Variants in RBFOX3 observed in about 807,000 individuals in gnomAD.
The protein encoded by RBFOX3 is RNA binding protein fox-1 homolog 3.
In RBFOX3, 17 loss-of-function variants were observed where a neutral mutation model predicts 48.7. The observed-to-expected ratio is 0.35, with a 90% CI of 0.24 to 0.52. The LOEUF (loss-of-function observed/expected upper bound fraction) is 0.52, where lower values mean the gene tolerates loss of function less well. Ranked by LOEUF, RBFOX3 falls within the 20% of genes least tolerant of loss-of-function variation. The pLI, the probability that RBFOX3 is intolerant of heterozygous loss-of-function variation, is 0.94. For synonymous variants in RBFOX3, 212 were observed against 209.5 expected (o/e 1.01, Z -0.10); for missense variants, 382 against 497.5 (o/e 0.77, Z 2.21).
At chr17:79,106,121 C>G (rs1173148716) in intron 6 of RBFOX3, among the ~76,000 whole-genome samples, 1 of 152,184 alleles carries the variant, frequency 6.6e-6, no homozygotes, top group Non-Finnish European at 1.5e-5. Context: ...GTTCCAAGTT[C>G]CCCACCTGGG....
intron 2 of RBFOX3, among the ~76,000 whole-genome samples, chr17:79,351,921 A>G (rs2084017259): frequency 6.6e-6 from 1 of 151,934 alleles, no homozygotes; most frequent in African/African-American, 2.4e-5. Flanking sequence ...TTGTTTTCCT[A>G]GAGAGTCGTT....
At chr17:79,620,676 C>T in the RBFOX3 span, among the ~76,000 whole-genome samples, 5 of 144,430 alleles carry the variant, frequency 3.5e-5, no homozygotes, top group South Asian at 2.1e-4. Context: ...CATGCACACA[C>T]GCACATGCAC....
intron 3 of RBFOX3, among the ~76,000 whole-genome samples, chr17:79,269,672 G>A (rs1053394923): frequency 1.3e-5 from 2 of 151,880 alleles, no homozygotes; most frequent in Non-Finnish European, 2.9e-5. Flanking sequence ...TCAGCTCCCT[G>A]CACCCCCCAC....
chr17:79,111,303 G>T lies in RBFOX3; in HGVS notation c.222+4191C>A, dbSNP rs1049336644. On this transcript the variant is annotated intron_variant, in intron 5 of 14. Coordinates refer to ENST00000693108, the MANE Select transcript of RBFOX3 (RefSeq NM_001350451.2). This position sits in a 1 kb window ranked among gnomAD's most constrained non-coding sequence, Gnocchi z 4.2. ...CAGACATCAGGCCCTTGCGGCCCAC[G>T]TGGGGTCCCTTCTGGCAGGTGGAGG... is the stretch of plus-strand genomic sequence containing the variant. Among the ~76,000 whole-genome samples, 3 of 152,148 alleles carry T rather than the reference G, an allele frequency of 2.0e-5. No individual in the cohort carries two copies. Among genetic ancestry groups the T allele is most frequent in the Non-Finnish European group, 4.4e-5 (3 of 68,022 alleles).
chr17:79,325,962 A>T (rs1650106496), intron 2 of RBFOX3, among the ~76,000 whole-genome samples: 1 of 152,142 alleles, frequency 6.6e-6, no homozygotes, highest in Admixed American at 6.5e-5. Flanking sequence ...TCAGAGGGGG[A>T]TAGATTTATG....
intron 4 of RBFOX3, among the ~76,000 whole-genome samples, chr17:79,129,183 A>T (rs12949208): frequency 0.38 from 58,133 of 152,146 alleles, 11,751 homozygotes; most frequent in African/African-American, 0.47. Context: ...CTGAAGGCTT[A>T]CGAATGCCCA....
At chr17:79,440,082 G>A (rs530094745) in intron 2 of RBFOX3, among the ~76,000 whole-genome samples, 11 of 152,262 alleles carry the variant, frequency 7.2e-5, no homozygotes, top group East Asian at 1.9e-4. Flanking sequence ...TGGGCTGAGC[G>A]GCAACGAGGA....
At chr17:79,200,626 GGT>G (rs1411891056) in intron 4 of RBFOX3, among the ~76,000 whole-genome samples, 1 of 152,190 alleles carries the variant, frequency 6.6e-6, no homozygotes, top group Non-Finnish European at 1.5e-5. Context: ...TGGGACATGA[GGT>G]GTCTCAGGTC....
intron 4 of RBFOX3, among the ~76,000 whole-genome samples, chr17:79,152,107 G>A (rs1464350899): frequency 3.9e-5 from 6 of 152,024 alleles, no homozygotes; most frequent in Non-Finnish European, 7.4e-5. Flanking sequence ...ATGGACTAGA[G>A]CCAGTCTCAA....
In RBFOX3 at chr17:79,254,892, C is replaced by T. The variant is rs2064526319; in HGVS notation, c.-73-19087G>A. Among the ~76,000 whole-genome samples the T allele has an allele frequency of 2.0e-5, 3 of 152,180 alleles. No homozygotes were observed. Among genetic ancestry groups the T allele is most frequent in the Admixed American group, 6.5e-5 (1 of 15,286 alleles). On this transcript the variant is annotated intron_variant, in intron 3 of 14. Coordinates refer to ENST00000693108, the MANE Select transcript of RBFOX3 (RefSeq NM_001350451.2). The surrounding 1 kb of genome is among the most constrained non-coding windows in gnomAD (Gnocchi z 4.8). ...TCTAAGGACAACGTGGGGCTTCAGGCTGACATGCTGGGATTGGCAACACCC... is the reference window on the plus strand; with the variant it reads ...TCTAAGGACAACGTGGGGCTTCAGGTTGACATGCTGGGATTGGCAACACCC...
intron 2 of RBFOX3, among the ~76,000 whole-genome samples, chr17:79,382,880 T>C (rs2060098778): frequency 6.6e-6 from 1 of 152,216 alleles, no homozygotes; most frequent in African/African-American, 2.4e-5. Flanking sequence ...AGAACCTTGC[T>C]GACCTCTTAA....
chr17:79,098,139 C>T (rs567611632), intron 9 of RBFOX3: 90 of 192,110 alleles, frequency 4.7e-4, no homozygotes, highest in African/African-American at 2.0e-3. Flanking sequence ...GAGTCAGACT[C>T]AGCACAGCCC....
chr17:79,129,198 T>C lies in RBFOX3; in HGVS notation c.-33-13450A>G, dbSNP rs559080682. On this transcript the variant is annotated intron_variant, in intron 4 of 14. Coordinates refer to ENST00000693108, the MANE Select transcript of RBFOX3 (RefSeq NM_001350451.2). ...CTGAAGGCTTACGAATGCCCAGCACTGGGTGAAGCACTGAAAGTACATTAT... is the reference window on the plus strand; with the variant it reads ...CTGAAGGCTTACGAATGCCCAGCACCGGGTGAAGCACTGAAAGTACATTAT... 5.3e-5 allele frequency among the ~76,000 whole-genome samples: 8 copies of C among 152,312 alleles called. No individual in the cohort carries two copies. In the South Asian group the frequency reaches 1.7e-3, roughly 32 times the overall value.
intron 2 of RBFOX3, among the ~76,000 whole-genome samples, chr17:79,478,453 A>T (rs1199808543): frequency 6.6e-6 from 1 of 151,818 alleles, no homozygotes; most frequent in Admixed American, 6.6e-5. Context: ...GCGCGGCAGC[A>T]CCCGCTCCCA....
chr17:79,389,616 G>A (rs909550594), intron 2 of RBFOX3, among the ~76,000 whole-genome samples: 17 of 152,274 alleles, frequency 1.1e-4, no homozygotes, highest in Admixed American at 5.9e-4. Flanking sequence ...CAGCCTTACC[G>A]ACACATGACA....
In RBFOX3 at chr17:79,252,936, C is replaced by T. The variant is rs1280826312; in HGVS notation, c.-73-17131G>A. The stretch of plus-strand genomic sequence containing the variant: ...GCCCGGCAAGCCCCAGCCCCCTAAA[C>T]CCGCAGCCTTCTTTGCCGTCTACAC... On this transcript the variant is annotated intron_variant, in intron 3 of 14. Transcript: ENST00000693108. The surrounding 1 kb of genome is among the most constrained non-coding windows in gnomAD (Gnocchi z 4.0). Among the ~76,000 whole-genome samples, 1 of 151,938 alleles carries T rather than the reference C, an allele frequency of 6.6e-6. No individual in the cohort carries two copies. Among genetic ancestry groups the T allele is most frequent in the Non-Finnish European group, 1.5e-5 (1 of 68,000 alleles).
chr17:79,488,062 G>A (rs2149555824), intron 1 of RBFOX3, among the ~76,000 whole-genome samples: 1 of 152,198 alleles, frequency 6.6e-6, no homozygotes, highest in South Asian at 2.1e-4. Flanking sequence ...ACATGGCAAA[G>A]CAAATGAACT....
chr17:79,664,579 C>G, the RBFOX3 span, among the ~76,000 whole-genome samples: 17,185 of 152,212 alleles, frequency 0.11, 1,068 homozygotes, highest in South Asian at 0.2. Flanking sequence ...AACTCCTGAC[C>G]TCAGGTGATC....
intron 2 of RBFOX3, among the ~76,000 whole-genome samples, chr17:79,365,165 A>G (rs1379912477): frequency 6.6e-6 from 1 of 152,096 alleles, no homozygotes; most frequent in East Asian, 1.9e-4. Context: ...GCACATGCAC[A>G]CGGTATTTCT....
Sources: allele counts gnomAD v4.1 joint callset (sites outside exome capture counted in the v4.1 genomes callset), GRCh38; gene constraint gnomAD v4.1.1; non-coding constraint Gnocchi (gnomAD v3.1); transcripts MANE v1.5; gene names NCBI Gene and HGNC (gene_info 2026-07-23, HGNC 2026-07-21).